Variants in MTFR1 observed in about 807,000 individuals in gnomAD.
The protein encoded by MTFR1 is mitochondrial fission regulator 1.
Under a neutral mutation model 38.8 loss-of-function variants are expected in MTFR1, and 28 were observed. That is an observed-to-expected ratio of 0.72 (90% CI 0.53 to 0.99). MTFR1 has a LOEUF of 0.99. Ranked by LOEUF, MTFR1 falls within the 50% of genes least tolerant of loss-of-function variation. MTFR1 has a pLI of 0.00. For missense variants in MTFR1, 358 were observed against 395.5 expected, an observed-to-expected ratio of 0.91 and a Z score of 0.81; for synonymous variants, 145 against 137.0, an observed-to-expected ratio of 1.06 and a Z score of -0.41.
At chr8:65,730,257 C>T (rs1048849948) in intron 3 of MTFR1, among the ~76,000 whole-genome samples, 2 of 141,652 alleles carry the variant, frequency 1.4e-5, no homozygotes, top group East Asian at 4.1e-4. Context: ...CACGGCTCAC[C>T]GAAACCTCCA....
Position 65,744,001 on chromosome 8 carries a change from G to A in MTFR1, c.*48+24520G>A, listed in dbSNP as rs144834414. Among the ~76,000 whole-genome samples, 496 of 152,152 alleles carry A rather than the reference G, an allele frequency of 3.3e-3. 4 individuals are homozygous for A. Among genetic ancestry groups the A allele is most frequent in the African/African-American group, 0.011 (476 of 41,524 alleles). On this transcript the variant is annotated intron_variant, in intron 3 of 3. Coordinates refer to the MTFR1 transcript ENST00000521247. Reference sequence around the variant, plus strand: ...ACATGAACCACCACACCCAGCCAATGTTTGTATTTTTAGTAGAGATGGGGT... The same window carrying A: ...ACATGAACCACCACACCCAGCCAATATTTGTATTTTTAGTAGAGATGGGGT...
At chr8:65,693,901 G>T in intron 4 of MTFR1, 142 bp downstream of exon 4, 1 of 667,358 alleles carries the variant, frequency 1.5e-6, no homozygotes. Context: ...CTTCTTTTCT[G>T]TTTATTTTCC....
chr8:65,682,831 C>A (rs1308592088), intron 3 of MTFR1: 3 of 984,856 alleles, frequency 3.0e-6, no homozygotes, highest in Admixed American at 1.2e-4. Context: ...TGTTCCCCTG[C>A]TTTATTTTTA....
At chr8:65,743,960 G>A (rs1244931335) in intron 3 of MTFR1, among the ~76,000 whole-genome samples, 1 of 151,892 alleles carries the variant, frequency 6.6e-6, no homozygotes, top group Non-Finnish European at 1.5e-5. Flanking sequence ...AGCCTCCCAT[G>A]TAGCTAGGAT....
At chr8:65,724,356 CA>C (rs766933117) in intron 3 of MTFR1, 16 of 1,597,998 alleles carry the variant, frequency 1.0e-5, no homozygotes, top group Middle Eastern at 1.7e-4. Context: ...AGCCATCTAG[CA>C]AACAAAACAT....
chr8:65,694,754 G>GATGTTC (rs1233011235), intron 4 of MTFR1, among the ~76,000 whole-genome samples: 2 of 152,226 alleles, frequency 1.3e-5, no homozygotes, highest in African/African-American at 2.4e-5. Flanking sequence ...CAGGATGAGA[G>GATGTTC]ATGTTCAGCA....
chr8:65,680,314 C>T (rs1804840111), intron 2 of MTFR1, among the ~76,000 whole-genome samples: 1 of 152,040 alleles, frequency 6.6e-6, no homozygotes, highest in Admixed American at 6.6e-5. Flanking sequence ...CAGCATGCAT[C>T]ACCACCCCTG....
At chr8:65,692,243 C>CT (rs1341298958) in intron 3 of MTFR1, among the ~76,000 whole-genome samples, 5 of 152,076 alleles carry the variant, frequency 3.3e-5, no homozygotes, top group African/African-American at 1.2e-4. Context: ...TATTCGTTGA[C>CT]TTTTTGACTC....
downstream of MTFR1, among the ~76,000 whole-genome samples, chr8:65,775,693 T>C (rs534030122): frequency 1.8e-4 from 28 of 152,356 alleles, no homozygotes; most frequent in Admixed American, 5.9e-4. Context: ...AGTGGTGTGA[T>C]CTTGGCTAAC....
intron 2 of MTFR1, among the ~76,000 whole-genome samples, chr8:65,716,562 C>T (rs977094889): frequency 2.0e-5 from 3 of 152,084 alleles, no homozygotes; most frequent in East Asian, 1.9e-4. Context: ...CATGGGTGCA[C>T]GAGGCAACTT....
At chr8:65,722,737 C>T (rs1325397855) in intron 3 of MTFR1, 3 of 152,232 alleles carry the variant, frequency 2.0e-5, no homozygotes, top group East Asian at 3.8e-4. Flanking sequence ...GTTCACTCAA[C>T]ACACAGTTCT....
chr8:65,734,780 T>C (rs80355475), intron 3 of MTFR1: 29,882 of 1,426,550 alleles, frequency 0.021, 384 homozygotes, highest in South Asian at 0.036. Context: ...CTGAAATCAA[T>C]GTCAACCTCT....
At chr8:65,759,339 A>C (rs1018458019) in intron 3 of MTFR1, among the ~76,000 whole-genome samples, 3 of 152,208 alleles carry the variant, frequency 2.0e-5, no homozygotes, top group African/African-American at 7.2e-5. Flanking sequence ...TGAGGCCAAG[A>C]GGGCCAAATC....
exon 4 of MTFR1, chr8:65,771,018 A>C: frequency 2.7e-6 from 1 of 367,708 alleles, no homozygotes; most frequent in Admixed American, 3.4e-5. Flanking sequence ...ATAAATTTAT[A>C]AGCCTTAAGA....
chr8:65,719,703 A>AT, intron 3 of MTFR1: 1 of 562,004 alleles, frequency 1.8e-6, no homozygotes, highest in Non-Finnish European at 3.2e-6. Flanking sequence ...CTCAATGGAA[A>AT]TTTGAGTAAA....
Position 65,764,412 on chromosome 8 carries a change from T to C in MTFR1, c.*49-6535T>C, listed in dbSNP as rs549722900. Among the ~76,000 whole-genome samples, 5 of 152,338 alleles carry C rather than the reference T, an allele frequency of 3.3e-5. No homozygotes were observed. In the South Asian group the frequency reaches 8.3e-4, roughly 25 times the overall value. ...GAGAGACTAAATTACAAATGATGGA[T>C]AGCTGCTTTCGCAGACCAAACAGAT... On this transcript the variant is annotated intron_variant, in intron 3 of 3. Transcript: ENST00000521247.
downstream of MTFR1, among the ~76,000 whole-genome samples, chr8:65,774,744 C>G (rs199975215): frequency 6.6e-6 from 1 of 151,800 alleles, no homozygotes; most frequent in East Asian, 1.9e-4. Context: ...AAACCCATAA[C>G]ATGTAACATA....
intron 3 of MTFR1, among the ~76,000 whole-genome samples, chr8:65,770,791 C>G (rs1237884300): frequency 6.6e-6 from 1 of 152,216 alleles, no homozygotes. Context: ...AAGCCTGTAA[C>G]AATTTGAACT....
chr8:65,690,677 T>C (rs1219676859), intron 3 of MTFR1, among the ~76,000 whole-genome samples: 1 of 152,258 alleles, frequency 6.6e-6, no homozygotes, highest in Admixed American at 6.5e-5. Context: ...AGTCTTTGTC[T>C]TAAATATGCC....
Sources: gnomAD v4.1 joint callset for allele counts (sites outside exome capture counted in the v4.1 genomes callset) on GRCh38, gnomAD v4.1.1 for gene constraint, MANE v1.5 for transcripts, NCBI Gene and HGNC (gene_info 2026-07-23, HGNC 2026-07-21) for gene names.